The following CTNNA2 variants were observed in gnomAD, a reference collection of about 807,000 sequenced individuals.
The protein encoded by CTNNA2 is catenin alpha-2.
CTNNA2 carries 42 observed loss-of-function variants against 101.0 expected under a neutral mutation model. The observed-to-expected ratio is 0.42, with a 90% CI of 0.32 to 0.54. The LOEUF (loss-of-function observed/expected upper bound fraction) is 0.54, where lower values mean the gene tolerates loss of function less well. Among genes scored for constraint, CTNNA2 ranks in the 20% least tolerant of loss-of-function variants. The pLI is 0.14. For missense variants in CTNNA2, 871 were observed against 1,223.1 expected (o/e 0.71, Z 4.29); for synonymous variants, 450 against 456.4 (o/e 0.99, Z 0.18).
intron 13 of CTNNA2, among the ~76,000 whole-genome samples, chr2:80,575,853 C>T (rs552751281): frequency 6.6e-6 from 1 of 152,022 alleles, no homozygotes; most frequent in Admixed American, 6.6e-5. Context: ...TTCTCTATCT[C>T]GACATTTCAA....
intron 7 of CTNNA2, among the ~76,000 whole-genome samples, chr2:80,088,531 A>G (rs78667537): frequency 0.011 from 1,729 of 152,222 alleles, 24 homozygotes; most frequent in African/African-American, 0.037. Flanking sequence ...CAACAAGTCT[A>G]TAATGTATCT....
intron 9 of CTNNA2, among the ~76,000 whole-genome samples, chr2:80,478,403 A>T (rs1295773455): frequency 1.3e-5 from 2 of 151,826 alleles, no homozygotes; most frequent in African/African-American, 4.8e-5. Context: ...TTTAAGTCCC[A>T]TTTATTTCTT....
intron 5 of CTNNA2, among the ~76,000 whole-genome samples, chr2:79,506,363 A>G (rs751687902): frequency 6.6e-6 from 1 of 152,148 alleles, no homozygotes; most frequent in Admixed American, 6.5e-5. Flanking sequence ...AGCTGAGTTA[A>G]GTTGACTTAT....
At chr2:79,599,365 A>G (rs1237625653) in intron 1 of CTNNA2, among the ~76,000 whole-genome samples, 1 of 152,194 alleles carries the variant, frequency 6.6e-6, no homozygotes, top group African/African-American at 2.4e-5. Flanking sequence ...CAGAAATATG[A>G]ATAAATATTT....
intron 4 of CTNNA2, among the ~76,000 whole-genome samples, chr2:79,461,344 T>G (rs1183787802): frequency 6.6e-6 from 1 of 152,224 alleles, no homozygotes; most frequent in Admixed American, 6.5e-5. Context: ...AAAATCCTCT[T>G]TGCTCTTCAC....
At chr2:80,608,341 A>C (rs202107732) in intron 17 of CTNNA2, 23 bp downstream of exon 17, 1 of 1,599,746 alleles carries the variant, frequency 6.3e-7, no homozygotes, top group Admixed American at 1.7e-5. Flanking sequence ...TGGGCTTCAC[A>C]ATGTAAAGTT....
At chr2:79,929,947 G>T (rs957649961) in intron 7 of CTNNA2, among the ~76,000 whole-genome samples, 5 of 151,990 alleles carry the variant, frequency 3.3e-5, no homozygotes, top group Non-Finnish European at 7.4e-5. Context: ...AAAGTAATCT[G>T]GGTTCCTGGC....
At chr2:79,293,883 A>C (rs1187206783) in intron 2 of CTNNA2, among the ~76,000 whole-genome samples, 2 of 152,184 alleles carry the variant, frequency 1.3e-5, no homozygotes, top group Non-Finnish European at 2.9e-5. Context: ...GTGACCTCGG[A>C]TAAGTCTGTC....
chr2:79,771,318 C>G (rs1260047646), intron 3 of CTNNA2, among the ~76,000 whole-genome samples: 1 of 152,180 alleles, frequency 6.6e-6, no homozygotes, highest in Admixed American at 6.5e-5. Context: ...GCGGTCCCAA[C>G]CTTTCTGGCA....
chr2:80,474,577 T>C lies in CTNNA2; in HGVS notation c.1290+54976T>C, dbSNP rs184523240. ...GTTACATACCTACATTTTCCTACCA[T>C]AAATTGAACCATTTCCTATCAAACC... On this transcript the variant is annotated intron_variant, in intron 9 of 18. Coordinates refer to ENST00000402739, the MANE Select transcript of CTNNA2 (RefSeq NM_001282597.3). Among the ~76,000 whole-genome samples, 163 of 152,334 alleles carry C rather than the reference T, an allele frequency of 1.1e-3. No individual in the cohort carries two copies. In the Middle Eastern group the frequency reaches 0.014, roughly 13 times the overall value.
At chr2:79,584,795 C>T (rs1676374527) in intron 1 of CTNNA2, among the ~76,000 whole-genome samples, 1 of 152,166 alleles carries the variant, frequency 6.6e-6, no homozygotes, top group Non-Finnish European at 1.5e-5. Flanking sequence ...GTTGGGATTA[C>T]AGGCGTGAGC....
intron 7 of CTNNA2, among the ~76,000 whole-genome samples, chr2:79,974,174 T>C (rs1690679760): frequency 6.6e-6 from 1 of 152,102 alleles, no homozygotes; most frequent in African/African-American, 2.4e-5. Flanking sequence ...TTAGGAAACT[T>C]ATTGAGCATG....
At chr2:80,097,276 G>A (rs1468421210) in intron 7 of CTNNA2, among the ~76,000 whole-genome samples, 1 of 150,976 alleles carries the variant, frequency 6.6e-6, no homozygotes, top group Non-Finnish European at 1.5e-5. Flanking sequence ...AGCTTAGTTT[G>A]CTGGATGTGA....
intron 1 of CTNNA2, among the ~76,000 whole-genome samples, chr2:79,621,371 A>G (rs1450979791): frequency 6.6e-6 from 1 of 152,168 alleles, no homozygotes; most frequent in Non-Finnish European, 1.5e-5. Flanking sequence ...TGAGCTAGCA[A>G]TACACATCAT....
chr2:79,990,695 C>T (rs1692111475), intron 7 of CTNNA2, among the ~76,000 whole-genome samples: 1 of 152,166 alleles, frequency 6.6e-6, no homozygotes, highest in Admixed American at 6.6e-5. Flanking sequence ...TTCTCATGCA[C>T]CTGTATTTGA....
chr2:80,434,739 T>A (rs1381801997), intron 9 of CTNNA2, among the ~76,000 whole-genome samples: 4 of 152,010 alleles, frequency 2.6e-5, no homozygotes, highest in Non-Finnish European at 5.9e-5. Flanking sequence ...AGTGTTAGAA[T>A]ACTAACACTC....
chr2:80,159,191 T>C (rs1481860664), intron 7 of CTNNA2, among the ~76,000 whole-genome samples: 1 of 152,256 alleles, frequency 6.6e-6, no homozygotes, highest in Non-Finnish European at 1.5e-5. Flanking sequence ...TAGTTTTGTT[T>C]GTTTATTTTT....
chr2:79,935,843 G>C (rs770525945), intron 7 of CTNNA2, among the ~76,000 whole-genome samples: 1 of 152,158 alleles, frequency 6.6e-6, no homozygotes, highest in Non-Finnish European at 1.5e-5. Context: ...TTTTTGAGTG[G>C]CATTTTTTTC....
At chr2:79,681,872 A>G (rs1027323596) in intron 2 of CTNNA2, among the ~76,000 whole-genome samples, 1 of 152,206 alleles carries the variant, frequency 6.6e-6, no homozygotes, top group African/African-American at 2.4e-5. Context: ...AATCTCCCTC[A>G]GTGGATTAAA....
Sources: allele counts gnomAD v4.1 joint callset (sites outside exome capture counted in the v4.1 genomes callset), GRCh38; gene constraint gnomAD v4.1.1; transcripts MANE v1.5; gene names NCBI Gene and HGNC (gene_info 2026-07-23, HGNC 2026-07-21).